Variants in LPP observed in about 807,000 individuals in gnomAD.
The protein encoded by LPP is lipoma-preferred partner.
In LPP, 38 loss-of-function variants were observed where a neutral mutation model predicts 60.4. The observed-to-expected ratio is 0.63, with a 90% CI of 0.49 to 0.83. The LOEUF is 0.83. Ranked by LOEUF, LPP falls within the 40% of genes least tolerant of loss-of-function variation. The pLI is 0.00. For synonymous variants in LPP, 328 were observed against 290.8 expected (o/e 1.13, Z -1.30); for missense variants, 902 against 783.6 (o/e 1.15, Z -1.80).
At chr3:188,803,715 TATC>T (rs1479642576) in intron 9 of LPP, among the ~76,000 whole-genome samples, 1 of 152,208 alleles carries the variant, frequency 6.6e-6, no homozygotes, top group Non-Finnish European at 1.5e-5. Flanking sequence ...TGTGGGCAAT[TATC>T]ATTTTGCAGC....
rs184056642 is a variant in LPP at position 188,741,316 on chromosome 3, C to T, written c.1241-18797C>T. Among the ~76,000 whole-genome samples the T allele has an allele frequency of 8.5e-3, 1,293 of 152,034 alleles. 5 individuals carry two copies. Among genetic ancestry groups the T allele is most frequent in the South Asian group, 0.016 (79 of 4,822 alleles). On this transcript the variant is annotated intron_variant, in intron 8 of 11. Coordinates refer to ENST00000617246, the MANE Select transcript of LPP (RefSeq NM_001375462.1). ...TGTATCTATCCTTGTGCTGGTACTC[C>T]GCTATCTTGGTTGCTATGGTTTTAG...
chr3:188,164,863 A>C (rs1577065054), intron 1 of LPP, among the ~76,000 whole-genome samples: 1 of 152,118 alleles, frequency 6.6e-6, no homozygotes, highest in East Asian at 1.9e-4. Context: ...GCATCTGTGA[A>C]AGAATTAGTG....
Position 188,746,566 on chromosome 3 carries a change from A to G in LPP, c.1241-13547A>G, listed in dbSNP as rs968785877. ...CAACTTTGCACTCTCCCTGTGTGGT[A>G]TCTCTTGCCCAAGACAGAACTTCAA... On this transcript the variant is annotated intron_variant, in intron 8 of 11. Transcript: ENST00000617246. 3 of 486,630 alleles carry G rather than the reference A, an allele frequency of 6.2e-6. No homozygotes were observed. In the Admixed American group the frequency reaches 6.9e-5, roughly 11 times the overall value. The allele number at this position is 486,630 out of a possible 1,614,324, so 30.1% of individuals were successfully genotyped here. A position where few individuals can be genotyped will look rare whatever the true frequency, so the allele number is the denominator to read the frequency against.
intron 7 of LPP, among the ~76,000 whole-genome samples, chr3:188,703,655 CATAATTAGCATTAG>C (rs1384949339): frequency 6.6e-6 from 1 of 152,068 alleles, no homozygotes; most frequent in East Asian, 1.9e-4. Flanking sequence ...AACAGGAATC[CATAATTAGCATTAG>C]ATAAAAGAGT....
chr3:188,280,263 C>T (rs1252152961), intron 2 of LPP, among the ~76,000 whole-genome samples: 2 of 152,136 alleles, frequency 1.3e-5, no homozygotes, highest in African/African-American at 4.8e-5. Context: ...AGCTGCATGG[C>T]TGCTTTCTGC....
rs542814096 is a variant in LPP at position 188,487,397 on chromosome 3, G to A, written c.306+2693G>A. 3.3e-5 allele frequency among the ~76,000 whole-genome samples: 5 copies of A among 152,252 alleles called. No homozygotes were observed. The South Asian group carries it at 1.0e-3, about 32-fold the overall frequency. ...AAAGATAATGAAGAATTTTTTTCAG[G>A]TGGACCTTGTTCTGTTAGATGTACT... On this transcript the variant is annotated intron_variant, in intron 5 of 11. Coordinates refer to ENST00000617246, the MANE Select transcript of LPP (RefSeq NM_001375462.1).
intron 5 of LPP, among the ~76,000 whole-genome samples, chr3:188,512,993 C>T (rs1326600140): frequency 2.6e-5 from 4 of 152,156 alleles, no homozygotes; most frequent in Admixed American, 2.6e-4. Context: ...TCTCCAGCCC[C>T]CTCACCACAT....
In LPP at chr3:188,884,695, G is replaced by A. The variant is rs575552894; in HGVS notation, c.*10216G>A. 4.4e-6 allele frequency: 1 copy of A among 227,388 alleles called. No individual in the cohort carries two copies. Among genetic ancestry groups the A allele is most frequent in the Admixed American group, 5.7e-5 (1 of 17,594 alleles). 14.1% of individuals were successfully genotyped at this position (227,388 alleles called of 1,614,324 possible). The stretch of plus-strand genomic sequence containing the variant: ...ATTCATTGGCATGTAGAGGTGACTC[G>A]ATTCCTAAAAGAAGCCTCTCTCCCA... On this transcript the variant is annotated 3_prime_UTR_variant, in exon 12 of 12. Coordinates refer to ENST00000617246, the MANE Select transcript of LPP (RefSeq NM_001375462.1).
At chr3:188,401,177 C>A (rs1782155620) in intron 3 of LPP, among the ~76,000 whole-genome samples, 1 of 152,148 alleles carries the variant, frequency 6.6e-6, no homozygotes, top group Non-Finnish European at 1.5e-5. Context: ...CTACATGATT[C>A]AATTTTTAAT....
At chr3:188,281,794 T>C (rs1742170075) in intron 2 of LPP, among the ~76,000 whole-genome samples, 1 of 152,134 alleles carries the variant, frequency 6.6e-6, no homozygotes, top group African/African-American at 2.4e-5. Flanking sequence ...TTTATATACC[T>C]GTAAATATAT....
rs537215618 is a variant in LPP at position 188,364,655 on chromosome 3, C to T, written c.-10+22936C>T. The stretch of plus-strand genomic sequence containing the variant: ...GGAGGGTTTTGATCTGGAACCTGCA[C>T]GCTCATTAGAATTTGAATTCGACCT... On this transcript the variant is annotated intron_variant, in intron 3 of 11. Coordinates refer to ENST00000617246, the MANE Select transcript of LPP (RefSeq NM_001375462.1). Among the ~76,000 whole-genome samples the T allele has an allele frequency of 1.2e-4, 19 of 152,276 alleles. No homozygotes were observed. The South Asian group carries it at 2.7e-3, about 22-fold the overall frequency.
chr3:188,506,689 C>T (rs1411088167), intron 5 of LPP, among the ~76,000 whole-genome samples: 1 of 152,234 alleles, frequency 6.6e-6, no homozygotes. Context: ...GATTTCTGGA[C>T]TCCCAGGCCT....
chr3:188,450,744 CAAA>C (rs10708050), intron 4 of LPP, among the ~76,000 whole-genome samples: 10 of 140,590 alleles, frequency 7.1e-5, no homozygotes, highest in Non-Finnish European at 1.1e-4. Flanking sequence ...GACTCTGTCT[CAAA>C]AAAAAAAAAA....
chr3:188,178,938 G>A (rs879945629), intron 1 of LPP: 2 of 264,854 alleles, frequency 7.6e-6, no homozygotes, highest in Non-Finnish European at 1.5e-5. Context: ...TGGACATGCA[G>A]GTATATTAGG....
At chr3:188,230,275 G>A (rs112654617) in intron 2 of LPP, among the ~76,000 whole-genome samples, 2,422 of 151,978 alleles carry the variant, frequency 0.016, 56 homozygotes, top group African/African-American at 0.053. Context: ...TAGTAGAGAC[G>A]GGGTTTCACC....
intron 5 of LPP, among the ~76,000 whole-genome samples, chr3:188,513,710 G>A (rs980576206): frequency 6.6e-6 from 1 of 151,988 alleles, no homozygotes; most frequent in Non-Finnish European, 1.5e-5. Context: ...AAAAGTGAGG[G>A]GTTTTTGTTG....
At chr3:188,815,943 T>C (rs75654336) in intron 9 of LPP, among the ~76,000 whole-genome samples, 3,544 of 152,314 alleles carry the variant, frequency 0.023, 123 homozygotes, top group African/African-American at 0.08. Flanking sequence ...TTCACTGTGA[T>C]TCTGTTGAGA....
chr3:188,535,568 A>T (rs536898319), intron 6 of LPP, among the ~76,000 whole-genome samples: 10 of 152,346 alleles, frequency 6.6e-5, no homozygotes, highest in South Asian at 4.1e-4. Context: ...TGATTTTTTT[A>T]AAATAAAGAA....
intron 9 of LPP, among the ~76,000 whole-genome samples, chr3:188,791,599 C>T (rs1369224112): frequency 2.0e-5 from 3 of 151,888 alleles, no homozygotes; most frequent in Non-Finnish European, 4.4e-5. Context: ...CATGGAACTA[C>T]TGTTCTCCAT....
Sources: allele counts gnomAD v4.1 joint callset (sites outside exome capture counted in the v4.1 genomes callset), GRCh38; gene constraint gnomAD v4.1.1; transcripts MANE v1.5; gene names NCBI Gene and HGNC (gene_info 2026-07-23, HGNC 2026-07-21).